CSNK1A1: variants seen among roughly 807,000 people sequenced by gnomAD.
CSNK1A1 encodes the protein casein kinase 1 alpha 1.
In CSNK1A1, 7 loss-of-function variants were observed where a neutral mutation model predicts 46.1. The ratio of observed to expected loss-of-function variants is 0.15; its 90% CI spans 0.09 to 0.29. The LOEUF (loss-of-function observed/expected upper bound fraction) is 0.29. Ranked by LOEUF, CSNK1A1 falls within the 10% of genes least tolerant of loss-of-function variation. CSNK1A1 has a pLI of 1.00. For synonymous variants in CSNK1A1, 137 were observed against 141.5 expected (o/e 0.97, Z 0.23); for missense variants, 96 against 417.1 (o/e 0.23, Z 6.71).
At chr5:149,497,079 T>TG (rs1468560685) in intron 9 of CSNK1A1, 15 of 1,347,136 alleles carry the variant, frequency 1.1e-5, no homozygotes, top group Non-Finnish European at 1.1e-5. Flanking sequence ...TAGGAAGGAG[T>TG]GGTACAGTGA....
intron 2 of CSNK1A1, among the ~76,000 whole-genome samples, chr5:149,541,774 G>A (rs1295235832): frequency 1.1e-4 from 16 of 151,776 alleles, no homozygotes; most frequent in South Asian, 2.1e-4. Context: ...TCAGGAGTTC[G>A]AGACCAGCCT....
At chr5:149,530,420 T>C (rs1193782381) in intron 2 of CSNK1A1, among the ~76,000 whole-genome samples, 1 of 152,216 alleles carries the variant, frequency 6.6e-6, no homozygotes, top group African/African-American at 2.4e-5. Flanking sequence ...CTTTCGGTTA[T>C]TAATGTCAGA....
intron 3 of CSNK1A1, among the ~76,000 whole-genome samples, chr5:149,521,359 T>A (rs1761563464): frequency 6.6e-6 from 1 of 150,740 alleles, no homozygotes; most frequent in South Asian, 2.1e-4. Context: ...TGCCTCAACC[T>A]TCCAGGCTCC....
intron 4 of CSNK1A1, 141 bp downstream of exon 4, chr5:149,520,149 C>T (rs1307291520): frequency 3.8e-6 from 2 of 532,550 alleles, no homozygotes; most frequent in Non-Finnish European, 6.7e-6. Context: ...AGCTGATTAT[C>T]CTCATAGCAC....
chr5:149,498,846 A>C (rs1414387396), intron 9 of CSNK1A1: 2 of 985,348 alleles, frequency 2.0e-6, no homozygotes, highest in Middle Eastern at 1.0e-3. Context: ...AAATACAAGG[A>C]AACTCTTGTG....
At chr5:149,542,648 A>T (rs10875545) in intron 2 of CSNK1A1, among the ~76,000 whole-genome samples, 2 of 5,604 alleles carry the variant, frequency 3.6e-4, no homozygotes, top group African/African-American at 1.2e-3. Context: ...ATGTATATAT[A>T]TATATATATA....
chr5:149,536,080 A>G (rs1478038094), intron 2 of CSNK1A1, among the ~76,000 whole-genome samples: 1 of 152,166 alleles, frequency 6.6e-6, no homozygotes, highest in African/African-American at 2.4e-5. Context: ...CAGCCTCCTG[A>G]GTAGCTGGTA....
At chr5:149,545,588 T>C (rs1762454281) in intron 2 of CSNK1A1, 1 of 790,616 alleles carries the variant, frequency 1.3e-6, no homozygotes. Context: ...CTGACACCCT[T>C]TGGGATCTTG....
intron 8 of CSNK1A1, 88 bp downstream of exon 8, chr5:149,506,938 CT>C: frequency 3.1e-6 from 3 of 976,634 alleles, no homozygotes; most frequent in Non-Finnish European, 4.6e-6. Flanking sequence ...ATCTGCTTTA[CT>C]TTAGTATTTA....
chr5:149,547,744 A>T (rs1195634104), intron 2 of CSNK1A1, among the ~76,000 whole-genome samples: 1 of 152,172 alleles, frequency 6.6e-6, no homozygotes, highest in Non-Finnish European at 1.5e-5. Flanking sequence ...TCTTCACCTC[A>T]TAAGATAAAT....
rs543869755 is a variant in CSNK1A1 at position 149,550,577 on chromosome 5, T to TAA, written c.123+263_123+264dup. Among the ~76,000 whole-genome samples, 1 of 139,750 alleles carries TAA rather than the reference T, an allele frequency of 7.2e-6. No homozygotes were observed. The highest frequency in any genetic ancestry group is 2.6e-5 in the African/African-American group (1 of 38,072). The allele number at this position is 139,750 out of a possible 152,430, so 91.7% of individuals were successfully genotyped here. A position where few individuals can be genotyped will look rare whatever the true frequency, so the allele number is the denominator to read the frequency against. ...TGCCGTTTCCACCTTAAAAGACGGT[T>TAA]AAAAAAAAAAAAAGCTCGACTAAGG... On this transcript the variant is annotated intron_variant, in intron 1 of 9. Transcript: ENST00000377843. The surrounding 1 kb of genome is among the most constrained non-coding windows in gnomAD (Gnocchi z 4.3).
intron 2 of CSNK1A1, among the ~76,000 whole-genome samples, chr5:149,538,156 G>A (rs960845794): frequency 6.6e-6 from 1 of 151,548 alleles, no homozygotes; most frequent in African/African-American, 2.4e-5. Flanking sequence ...CCTAGTAGCT[G>A]GGATTACAGG....
Position 149,551,031 on chromosome 5 carries a change from G to A in CSNK1A1, c.-67C>T, listed in dbSNP as rs1762642306. On this transcript the variant is annotated 5_prime_UTR_variant, in exon 1 of 10. Coordinates refer to ENST00000377843, the MANE Select transcript of CSNK1A1 (RefSeq NM_001892.6). ...CTCTGGGAAGAGGACGGAGGCCTCG[G>A]GGCTCCTACACTAGGCAAGGCTACG... 2 of 1,588,020 alleles carry A rather than the reference G, an allele frequency of 1.3e-6. No homozygotes were observed.
intron 9 of CSNK1A1, chr5:149,498,627 C>G: frequency 2.0e-6 from 2 of 985,308 alleles, no homozygotes; most frequent in Non-Finnish European, 2.4e-6. Flanking sequence ...AGAATTCCCC[C>G]ATCAGGATTT....
At chr5:149,528,761 T>C (rs2113136266) in intron 2 of CSNK1A1, among the ~76,000 whole-genome samples, 1 of 152,356 alleles carries the variant, frequency 6.6e-6, no homozygotes, top group Non-Finnish European at 1.5e-5. Context: ...AATACTCATC[T>C]ACTGTAACTT....
At chr5:149,504,269 T>C in intron 9 of CSNK1A1, 1 of 985,468 alleles carries the variant, frequency 1.0e-6, no homozygotes, top group Non-Finnish European at 1.2e-6. Flanking sequence ...CTCAACTTCA[T>C]TCCTAACAGA....
chr5:149,505,849 C>G (rs1252764513), intron 8 of CSNK1A1, among the ~76,000 whole-genome samples: 1 of 152,054 alleles, frequency 6.6e-6, no homozygotes, highest in East Asian at 1.9e-4. Flanking sequence ...AGTAAATATT[C>G]AACTGGAAGT....
intron 4 of CSNK1A1, among the ~76,000 whole-genome samples, chr5:149,518,430 C>A (rs896214807): frequency 1.3e-5 from 2 of 152,060 alleles, no homozygotes; most frequent in East Asian, 3.9e-4. Context: ...CAAAAGCCCC[C>A]CAAAACCTTT....
chr5:149,542,597 TATATATATA>T (rs1762274998), intron 2 of CSNK1A1, among the ~76,000 whole-genome samples: 1 of 3,256 alleles, frequency 3.1e-4, no homozygotes, highest in African/African-American at 2.2e-3. Flanking sequence ...CAAATTTATA[TATATATATA>T]TATATATATA....
Sources: gnomAD v4.1 joint callset for allele counts (sites outside exome capture counted in the v4.1 genomes callset) on GRCh38, gnomAD v4.1.1 for gene constraint, Gnocchi (gnomAD v3.1) non-coding constraint, MANE v1.5 for transcripts, NCBI Gene and HGNC (gene_info 2026-07-23, HGNC 2026-07-21) for gene names.